Variants in FHIT observed in about 807,000 individuals in gnomAD.
FHIT encodes the protein bis(5'-adenosyl)-triphosphatase.
Under a neutral mutation model 17.9 loss-of-function variants are expected in FHIT, and 19 were observed. The ratio of observed to expected loss-of-function variants is 1.06; its 90% CI spans 0.74 to 1.56. FHIT has a LOEUF of 1.56. FHIT is among the 40% of genes most tolerant of loss of function. FHIT has a pLI of 0.00. For synonymous variants in FHIT, 81 were observed against 69.7 expected (o/e 1.16, Z -0.81); for missense variants, 248 against 189.2 (o/e 1.31, Z -1.82).
intron 5 of FHIT, among the ~76,000 whole-genome samples, chr3:60,211,958 T>C (rs2107517830): frequency 6.6e-6 from 1 of 152,328 alleles, no homozygotes; most frequent in Non-Finnish European, 1.5e-5. Flanking sequence ...ACACGTAAAC[T>C]TATTTGGATA....
chr3:60,113,592 A>G (rs1704781578), intron 5 of FHIT, among the ~76,000 whole-genome samples: 1 of 151,876 alleles, frequency 6.6e-6, no homozygotes, highest in Non-Finnish European at 1.5e-5. Flanking sequence ...TTAAGATTCT[A>G]CGATGACAGC....
chr3:59,755,060 CT>C (rs1331884114), intron 8 of FHIT, among the ~76,000 whole-genome samples: 1 of 152,076 alleles, frequency 6.6e-6, no homozygotes, highest in African/African-American at 2.4e-5. Context: ...AGAATCACTG[CT>C]TTTTGGGAGA....
intron 2 of FHIT, among the ~76,000 whole-genome samples, chr3:61,189,256 T>G (rs2038631760): frequency 6.6e-6 from 1 of 152,148 alleles, no homozygotes; most frequent in Admixed American, 6.5e-5. Context: ...AAAATCAACG[T>G]GCAAAAATCA....
At chr3:60,324,343 T>G (rs887297425) in intron 5 of FHIT, among the ~76,000 whole-genome samples, 7 of 151,894 alleles carry the variant, frequency 4.6e-5, no homozygotes, top group Non-Finnish European at 8.8e-5. Context: ...CCCAGAACTT[T>G]GGAGGCTGAG....
chr3:60,343,412 G>A (rs576519770), intron 5 of FHIT, among the ~76,000 whole-genome samples: 37 of 152,206 alleles, frequency 2.4e-4, no homozygotes, highest in African/African-American at 8.7e-4. Context: ...AAGAGGTCCA[G>A]CTATTTAAGT....
chr3:60,763,448 T>C (rs1553720586), intron 4 of FHIT, among the ~76,000 whole-genome samples: 4 of 152,208 alleles, frequency 2.6e-5, no homozygotes, highest in African/African-American at 9.6e-5. Flanking sequence ...TGAGTTATTA[T>C]ATAGCAGGCA....
chr3:60,950,971 G>T (rs909311726), intron 3 of FHIT, among the ~76,000 whole-genome samples: 2 of 152,040 alleles, frequency 1.3e-5, no homozygotes, highest in South Asian at 2.1e-4. Flanking sequence ...AAAATAACAC[G>T]CTAAGAACAG....
At chr3:60,432,354 A>G (rs1336625017) in intron 5 of FHIT, among the ~76,000 whole-genome samples, 1 of 152,088 alleles carries the variant, frequency 6.6e-6, no homozygotes, top group African/African-American at 2.4e-5. Context: ...CATCCAATAA[A>G]TGAGTGTTGG....
intron 2 of FHIT, among the ~76,000 whole-genome samples, chr3:61,122,087 C>G (rs1385971308): frequency 6.6e-6 from 1 of 152,136 alleles, no homozygotes; most frequent in Non-Finnish European, 1.5e-5. Context: ...AGGCATCACG[C>G]TACCTGACTT....
chr3:59,879,383 T>TC (rs1254168284), intron 8 of FHIT, among the ~76,000 whole-genome samples: 1 of 152,138 alleles, frequency 6.6e-6, no homozygotes, highest in Non-Finnish European at 1.5e-5. Context: ...TAACTACATT[T>TC]CCACAGTAAG....
intron 5 of FHIT, among the ~76,000 whole-genome samples, chr3:60,231,415 C>CA (rs1704490876): frequency 6.6e-6 from 1 of 152,204 alleles, no homozygotes; most frequent in African/African-American, 2.4e-5. Flanking sequence ...GTATTACCAA[C>CA]ACCTCAGAGT....
Position 60,650,015 on chromosome 3 carries a change from A to G in FHIT, c.-17-113036T>C, listed in dbSNP as rs144746042. Among the ~76,000 whole-genome samples, 1,010 of 152,342 alleles carry G rather than the reference A, an allele frequency of 6.6e-3. 11 individuals carry two copies. The highest frequency in any genetic ancestry group is 0.023 in the African/African-American group (942 of 41,590). ...TCAAAGAGGGGAAACAAATGCACCA[A>G]AATTAATTGTAGAACTTATCTTTAT... On this transcript the variant is annotated intron_variant, in intron 4 of 9. Coordinates refer to ENST00000492590, the MANE Select transcript of FHIT (RefSeq NM_002012.4).
chr3:61,244,453 T>A (rs2040440528), intron 1 of FHIT, among the ~76,000 whole-genome samples: 1 of 152,222 alleles, frequency 6.6e-6, no homozygotes, highest in Non-Finnish European at 1.5e-5. Flanking sequence ...TTGCATGGGA[T>A]GAAATATATC....
chr3:60,187,939 T>C (rs1702228981), intron 5 of FHIT, among the ~76,000 whole-genome samples: 1 of 152,140 alleles, frequency 6.6e-6, no homozygotes, highest in Non-Finnish European at 1.5e-5. Context: ...ATATTATGGT[T>C]CTAGGATGAA....
At chr3:60,789,230 C>A (rs554017328) in intron 4 of FHIT, among the ~76,000 whole-genome samples, 1 of 149,818 alleles carries the variant, frequency 6.7e-6, no homozygotes, top group South Asian at 2.1e-4. Context: ...AACAAGAATA[C>A]GAAGGTTGGC....
chr3:60,963,762 C>G (rs570208082), intron 3 of FHIT, among the ~76,000 whole-genome samples: 2 of 152,196 alleles, frequency 1.3e-5, no homozygotes, highest in African/African-American at 4.8e-5. Flanking sequence ...TCTTAATCCT[C>G]AGTTCTTGTT....
chr3:60,930,841 T>C (rs1707913331), intron 3 of FHIT, among the ~76,000 whole-genome samples: 1 of 152,138 alleles, frequency 6.6e-6, no homozygotes, highest in Non-Finnish European at 1.5e-5. Flanking sequence ...GAAATACCAT[T>C]TGACCCAGCC....
intron 4 of FHIT, among the ~76,000 whole-genome samples, chr3:60,687,946 T>C (rs1454354336): frequency 6.6e-6 from 1 of 152,148 alleles, no homozygotes; most frequent in Non-Finnish European, 1.5e-5. Flanking sequence ...TGATTCTATT[T>C]CATCTAAATA....
intron 5 of FHIT, among the ~76,000 whole-genome samples, chr3:60,360,315 T>C (rs1699853596): frequency 6.6e-6 from 1 of 151,910 alleles, no homozygotes; most frequent in African/African-American, 2.4e-5. Flanking sequence ...GCTGGCACTA[T>C]AAAAGACAAA....
Sources: allele counts gnomAD v4.1 joint callset (sites outside exome capture counted in the v4.1 genomes callset), GRCh38; gene constraint gnomAD v4.1.1; transcripts MANE v1.5; gene names NCBI Gene and HGNC (gene_info 2026-07-23, HGNC 2026-07-21).